ATP6V0A4: variants seen among roughly 807,000 people sequenced by gnomAD.
ATP6V0A4 encodes the protein V-type proton ATPase 116 kDa subunit a 4.
A neutral mutation model predicts 107.3 loss-of-function variants in ATP6V0A4; 86 were observed. That is an observed-to-expected ratio of 0.80 (90% CI 0.67 to 0.96). ATP6V0A4 has a LOEUF of 0.96. Ranked by LOEUF, ATP6V0A4 falls within the 40% of genes least tolerant of loss-of-function variation. ATP6V0A4 has a pLI of 0.00. For missense variants in ATP6V0A4, 908 were observed against 1,045.6 expected (o/e 0.87, Z 1.81); for synonymous variants, 353 against 381.4 (o/e 0.93, Z 0.87).
In ATP6V0A4 at chr7:138,755,713, A is replaced by G. The variant is rs1184469530; in HGVS notation, c.792T>C (p.Asn264=). ...CGGTGATTAAATCTTCCAGCCTCACATTGACGCTCTCCAACATCTCTCTGC... is the reference window on the plus strand; with the variant it reads ...CGGTGATTAAATCTTCCAGCCTCACGTTGACGCTCTCCAACATCTCTCTGC... ...VERREMLESV[N]VRLEDLITVI... is the part of the protein sequence containing the mutation. Residue 264 remains asparagine, a synonymous_variant, in exon 10 of 22, where the codon AAT becomes AAC. Transcript: ENST00000310018. The G allele has an allele frequency of 3.1e-6, 5 of 1,613,822 alleles. No homozygotes were observed. The South Asian group carries it at 3.3e-5, about 11-fold the overall frequency.
At chr7:138,745,314 G>A (rs752668947) in intron 13 of ATP6V0A4, 34 bp from the exon 14 acceptor site, 9 of 1,613,278 alleles carry the variant, frequency 5.6e-6, no homozygotes, top group South Asian at 4.4e-5. Context: ...ATGATTGTCA[G>A]TGGGCTCTGA....
chr7:138,784,637 T>A (rs1427569934), intron 2 of ATP6V0A4, among the ~76,000 whole-genome samples: 1 of 152,130 alleles, frequency 6.6e-6, no homozygotes, highest in Admixed American at 6.6e-5. Context: ...TATTTTTATA[T>A]ACTCTCAAAG....
chr7:138,797,463 C>A (rs1213282872), intron 1 of ATP6V0A4, among the ~76,000 whole-genome samples: 2 of 151,882 alleles, frequency 1.3e-5, no homozygotes, highest in East Asian at 3.9e-4. Context: ...AGTGATCCAC[C>A]TGCCTCAGCC....
chr7:138,725,070 A>C (rs186515729), intron 18 of ATP6V0A4, among the ~76,000 whole-genome samples: 1 of 152,304 alleles, frequency 6.6e-6, no homozygotes, highest in East Asian at 1.9e-4. Flanking sequence ...CAGGAGTTCA[A>C]GACCAGCTTG....
intron 21 of ATP6V0A4, among the ~76,000 whole-genome samples, chr7:138,707,269 A>C (rs1207203211): frequency 1.1e-5 from 1 of 89,078 alleles, no homozygotes; most frequent in Non-Finnish European, 2.0e-5. Context: ...ATATTATATT[A>C]TATATTCTAT....
chr7:138,745,669 A>AAAAAAAAAAAAAAAAAAAAAAAAAAAAG, intron 13 of ATP6V0A4, among the ~76,000 whole-genome samples: 1 of 141,320 alleles, frequency 7.1e-6, no homozygotes, highest in Admixed American at 7.4e-5. Context: ...AAAAAAAAAA[A>AAAAAAAAAAAAAAAAAAAAAAAAAAAAG]AAGGCCGGGT....
intron 21 of ATP6V0A4, among the ~76,000 whole-genome samples, chr7:138,709,074 T>A (rs1803596069): frequency 6.6e-6 from 1 of 152,014 alleles, no homozygotes; most frequent in South Asian, 2.1e-4. Flanking sequence ...CTGGGCGTAG[T>A]GGCAGACGCC....
intron 1 of ATP6V0A4, among the ~76,000 whole-genome samples, chr7:138,795,593 T>C (rs1253667221): frequency 3.9e-5 from 6 of 152,206 alleles, no homozygotes; most frequent in Admixed American, 3.9e-4. Flanking sequence ...CTGTATAACT[T>C]TGCTTTTGAA....
chr7:138,751,691 G>T (rs942539806), intron 11 of ATP6V0A4, among the ~76,000 whole-genome samples: 5 of 152,034 alleles, frequency 3.3e-5, no homozygotes, highest in Non-Finnish European at 5.9e-5. Context: ...AATGAATGGA[G>T]GGAGCGGTGA....
intron 20 of ATP6V0A4, 101 bp downstream of exon 20, chr7:138,715,663 C>T: frequency 6.7e-7 from 1 of 1,489,398 alleles, no homozygotes. Context: ...CAAACATCCA[C>T]AAATAGCTCG....
intron 5 of ATP6V0A4, 31 bp downstream of exon 5, chr7:138,768,749 C>A: frequency 6.2e-7 from 1 of 1,612,738 alleles, no homozygotes; most frequent in Non-Finnish European, 8.5e-7. Flanking sequence ...ACTGTCCTTA[C>A]CTGGGGAGGC....
intron 1 of ATP6V0A4, among the ~76,000 whole-genome samples, chr7:138,786,578 C>T (rs1046958561): frequency 8.7e-6 from 1 of 114,596 alleles, no homozygotes; most frequent in Non-Finnish European, 2.0e-5. Context: ...GACCTTGTCT[C>T]AGGAAAAAAA....
At chr7:138,711,731 G>A (rs541322127) in intron 20 of ATP6V0A4, among the ~76,000 whole-genome samples, 5 of 152,330 alleles carry the variant, frequency 3.3e-5, no homozygotes, top group East Asian at 3.9e-4. Flanking sequence ...CTTAGCATTC[G>A]TGTGATCTTC....
At chr7:138,730,215 G>A (rs1804923921) in intron 17 of ATP6V0A4, among the ~76,000 whole-genome samples, 1 of 152,146 alleles carries the variant, frequency 6.6e-6, no homozygotes, top group South Asian at 2.1e-4. Context: ...AAAAGAGGAA[G>A]GGAGACCATG....
At chr7:138,710,950 G>C (rs1803707899) in intron 20 of ATP6V0A4, among the ~76,000 whole-genome samples, 1 of 152,138 alleles carries the variant, frequency 6.6e-6, no homozygotes, top group Non-Finnish European at 1.5e-5. Flanking sequence ...ATCCCAGTAA[G>C]GCCCATATCA....
At chr7:138,746,054 A>ATTTATAATATCATATATATT (rs1805939509) in intron 13 of ATP6V0A4, among the ~76,000 whole-genome samples, 1 of 144,506 alleles carries the variant, frequency 6.9e-6, no homozygotes, top group Admixed American at 7.2e-5. Flanking sequence ...TTATATATAT[A>ATTTATAATATCATATATATT]TGCATGCCTC....
In ATP6V0A4 at chr7:138,759,766, C is replaced by T; in HGVS notation, c.625G>A (p.Glu209Lys). The change falls in exon 8 of 22, where the codon GAG (glutamate) becomes AAG (lysine). Residue 209 changes from glutamate to lysine, a missense_variant. By Grantham distance (56) the Glu-to-Lys change is moderately conservative. Transcript: ENST00000310018. Reference sequence around the variant, plus strand: ...AAGGTTCCCACCGTCACAGGATCCTCCAGAGGGGCGTCCATCTCACTGAAC... The same window carrying T: ...AAGGTTCCCACCGTCACAGGATCCTTCAGAGGGGCGTCCATCTCACTGAAC... ...LKFSEMDAPLEDPVTKEEIQK... is the reference protein window; with the variant it reads ...LKFSEMDAPLKDPVTKEEIQK... 6.2e-7 allele frequency: 1 copy of T among 1,614,160 alleles called. No homozygotes were observed. Among genetic ancestry groups the T allele is most frequent in the African/African-American group, 1.3e-5 (1 of 75,034 alleles).
intron 15 of ATP6V0A4, among the ~76,000 whole-genome samples, chr7:138,738,300 T>C (rs1292207728): frequency 2.0e-5 from 3 of 152,126 alleles, no homozygotes; most frequent in Non-Finnish European, 4.4e-5. Context: ...CACTCAGTTC[T>C]GCAATGTGAA....
chr7:138,783,315 A>G (rs1483391881), intron 2 of ATP6V0A4, among the ~76,000 whole-genome samples: 1 of 152,106 alleles, frequency 6.6e-6, no homozygotes, highest in Non-Finnish European at 1.5e-5. Flanking sequence ...TCACACCTAT[A>G]ACCTCAGCAC....
Sources: allele counts gnomAD v4.1 joint callset (sites outside exome capture counted in the v4.1 genomes callset), GRCh38; gene constraint gnomAD v4.1.1; transcripts MANE v1.5; gene names NCBI Gene and HGNC (gene_info 2026-07-23, HGNC 2026-07-21).